The following EXOC6 variants were observed in gnomAD, a reference collection of about 807,000 sequenced individuals.
The protein encoded by EXOC6 is SEC15-like 1.
A neutral mutation model predicts 112.5 loss-of-function variants in EXOC6; 60 were observed. That is an observed-to-expected ratio of 0.53 (90% CI 0.43 to 0.66). EXOC6 has a LOEUF of 0.66. Among genes scored for constraint, EXOC6 ranks in the 30% least tolerant of loss-of-function variants. EXOC6 has a pLI of 0.00. For missense variants in EXOC6, 855 were observed against 957.1 expected (o/e 0.89, Z 1.41); for synonymous variants, 295 against 308.0 (o/e 0.96, Z 0.44).
At chr10:92,941,160 T>C (rs1339755886) in intron 13 of EXOC6, among the ~76,000 whole-genome samples, 1 of 152,186 alleles carries the variant, frequency 6.6e-6, no homozygotes, top group East Asian at 1.9e-4. Context: ...AGGTACCTCA[T>C]GTAAGTGGAA....
intron 19 of EXOC6, among the ~76,000 whole-genome samples, chr10:92,999,608 A>T (rs1843659412): frequency 6.6e-6 from 1 of 152,150 alleles, no homozygotes; most frequent in South Asian, 2.1e-4. Flanking sequence ...TTTTGTGTGT[A>T]AGAGAGAAAG....
At chr10:92,995,615 T>C (rs963854737) in intron 18 of EXOC6, among the ~76,000 whole-genome samples, 3 of 152,178 alleles carry the variant, frequency 2.0e-5, no homozygotes, top group Admixed American at 2.0e-4. Context: ...CATTGATTTC[T>C]CCTTTCTCTG....
intron 17 of EXOC6, among the ~76,000 whole-genome samples, chr10:92,972,811 C>T (rs533044570): frequency 3.5e-4 from 53 of 152,292 alleles, no homozygotes; most frequent in Middle Eastern, 3.4e-3. Context: ...TGTTTTATTT[C>T]TGTCTTGCAC....
chr10:92,871,755 C>T (rs896852960), intron 1 of EXOC6, among the ~76,000 whole-genome samples: 1 of 152,016 alleles, frequency 6.6e-6, no homozygotes, highest in Non-Finnish European at 1.5e-5. Flanking sequence ...TTGCAGTGAG[C>T]TGAAATTGTG....
intron 1 of EXOC6, among the ~76,000 whole-genome samples, chr10:92,872,481 T>A (rs933610401): frequency 2.6e-5 from 4 of 152,090 alleles, no homozygotes; most frequent in African/African-American, 9.6e-5. Context: ...GGCTTCACAG[T>A]TTTATACACA....
intron 17 of EXOC6, among the ~76,000 whole-genome samples, chr10:92,962,668 C>T (rs569593013): frequency 7.4e-4 from 112 of 152,240 alleles, no homozygotes; most frequent in Non-Finnish European, 1.2e-3. Flanking sequence ...GCTGGGATTA[C>T]ACGTGTAAGC....
chr10:92,878,815 G>T (rs1039639831), intron 1 of EXOC6, among the ~76,000 whole-genome samples: 1 of 152,038 alleles, frequency 6.6e-6, no homozygotes, highest in African/African-American at 2.4e-5. Context: ...TACCTTAAAG[G>T]TTTTAAAATT....
At chr10:92,950,671 A>G (rs1023954104) in intron 14 of EXOC6, among the ~76,000 whole-genome samples, 3 of 152,230 alleles carry the variant, frequency 2.0e-5, no homozygotes, top group African/African-American at 7.2e-5. Context: ...AGAGATGTAA[A>G]TTGGAGAAGT....
At chr10:93,057,089 G>GTTTATCAC in intron 21 of EXOC6, 53 bp downstream of exon 21, 1 of 916,958 alleles carries the variant, frequency 1.1e-6, no homozygotes, top group Non-Finnish European at 1.7e-6. Context: ...TTTTGATTCA[G>GTTTATCAC]TGATAAACTG....
chr10:92,967,526 T>A (rs1842118233), intron 17 of EXOC6, among the ~76,000 whole-genome samples: 2 of 152,206 alleles, frequency 1.3e-5, no homozygotes, highest in Non-Finnish European at 2.9e-5. Context: ...AAGCTGGATT[T>A]AAATTTGGTT....
chr10:92,906,810 A>G (rs1850466881), intron 5 of EXOC6, among the ~76,000 whole-genome samples: 1 of 152,200 alleles, frequency 6.6e-6, no homozygotes, highest in Non-Finnish European at 1.5e-5. Context: ...TGATGAGTTA[A>G]TTACAACATG....
chr10:92,928,409 C>G lies in EXOC6; in HGVS notation c.959C>G (p.Pro320Arg). ...RKKQARLVLQ[P>R]QSNMHETVDG... ...AAACAAGCAAGACTGGTATTGCAAC[C>G]CCAGTCGAATATGGTAAGTATGCGA... The change falls in exon 9 of 22, where the codon CCC (proline) becomes CGC (arginine). Residue 320 changes from proline (P) to arginine (R), a missense_variant. Pro to Arg is a moderately radical substitution (Grantham distance 103). Transcript: ENST00000260762. 1.2e-6 allele frequency: 2 copies of G among 1,601,364 alleles called. No individual in the cohort carries two copies. The highest frequency in any genetic ancestry group is 1.7e-6 in the Non-Finnish European group (2 of 1,170,668).
At chr10:92,873,452 A>G (rs1324194666) in intron 1 of EXOC6, among the ~76,000 whole-genome samples, 2 of 152,194 alleles carry the variant, frequency 1.3e-5, no homozygotes, top group East Asian at 1.9e-4. Context: ...ATTCAACATC[A>G]GAAATATACA....
chr10:92,954,583 C>T (rs1853589253), intron 15 of EXOC6, 47 bp from the exon 16 acceptor site: 2 of 903,232 alleles, frequency 2.2e-6, no homozygotes, highest in Non-Finnish European at 3.5e-6. Flanking sequence ...GTTAACTAAC[C>T]ACATTCATTA....
Position 92,990,587 on chromosome 10 carries a change from G to A in EXOC6, c.1954-6887G>A, listed in dbSNP as rs567516363. Among the ~76,000 whole-genome samples the A allele has an allele frequency of 3.3e-4, 51 of 152,284 alleles. No individual in the cohort carries two copies. The South Asian group carries it at 6.2e-3, about 19-fold the overall frequency. On this transcript the variant is annotated intron_variant, in intron 18 of 21. Transcript: ENST00000260762. ...AACTAACAGAAGAAAGCAAAGCCACGTTGTGTTAGGAAGGTTGAGACTGTT... is the reference window on the plus strand; with the variant it reads ...AACTAACAGAAGAAAGCAAAGCCACATTGTGTTAGGAAGGTTGAGACTGTT...
chr10:92,829,546 C>T (rs1034955952), intron 1 of EXOC6, among the ~76,000 whole-genome samples: 1 of 152,174 alleles, frequency 6.6e-6, no homozygotes, highest in Non-Finnish European at 1.5e-5. Flanking sequence ...TGCCTTGTCC[C>T]CAGTTTCCCA....
chr10:92,834,903 A>C, intron 1 of EXOC6: 1 of 779,380 alleles, frequency 1.3e-6, no homozygotes, highest in East Asian at 2.5e-5. Context: ...ATAATTCTTT[A>C]TAAGAGTAAA....
At chr10:92,893,835 A>G (rs1471764028) in intron 2 of EXOC6, among the ~76,000 whole-genome samples, 1 of 152,218 alleles carries the variant, frequency 6.6e-6, no homozygotes, top group East Asian at 1.9e-4. Flanking sequence ...TTAGTACAAT[A>G]TTTATAAAAT....
At chr10:92,990,412 G>A (rs1355232536) in intron 18 of EXOC6, among the ~76,000 whole-genome samples, 2 of 152,030 alleles carry the variant, frequency 1.3e-5, no homozygotes, top group Admixed American at 6.6e-5. Context: ...AATTGCCCTC[G>A]GTCAGGGCTT....
Sources: allele counts gnomAD v4.1 joint callset (sites outside exome capture counted in the v4.1 genomes callset), GRCh38; gene constraint gnomAD v4.1.1; transcripts MANE v1.5; gene names NCBI Gene and HGNC (gene_info 2026-07-23, HGNC 2026-07-21).